Variants in TAF4B observed in about 807,000 individuals in gnomAD.
The protein encoded by TAF4B is transcription initiation factor TFIID subunit 4B.
Under a neutral mutation model 86.4 loss-of-function variants are expected in TAF4B, and 38 were observed. The ratio of observed to expected loss-of-function variants is 0.44; its 90% CI spans 0.34 to 0.58. The LOEUF (loss-of-function observed/expected upper bound fraction) is 0.58. Among genes scored for constraint, TAF4B ranks in the 20% least tolerant of loss-of-function variants. The pLI is 0.02. For missense variants in TAF4B, 988 were observed against 1,027.6 expected (o/e 0.96, Z 0.53); for synonymous variants, 388 against 391.2 (o/e 0.99, Z 0.10).
chr18:26,239,378 T>C (rs1229102980), intron 1 of TAF4B, among the ~76,000 whole-genome samples: 3 of 152,190 alleles, frequency 2.0e-5, no homozygotes, highest in Admixed American at 1.3e-4. Flanking sequence ...TTTGGCTGCA[T>C]AAATGTCTTC....
At chr18:26,308,257 A>G (rs1307278216) in intron 9 of TAF4B, among the ~76,000 whole-genome samples, 1 of 152,168 alleles carries the variant, frequency 6.6e-6, no homozygotes, top group Non-Finnish European at 1.5e-5. Context: ...GAGAGAGAGA[A>G]AAAAGAAATG....
chr18:26,347,162 C>T lies in TAF4B; in HGVS notation c.2317-10528C>T, dbSNP rs191524067. 2.8e-3 allele frequency among the ~76,000 whole-genome samples: 426 copies of T among 151,394 alleles called. 1 individual carries two copies. Among genetic ancestry groups the T allele is most frequent in the Admixed American group, 5.2e-3 (79 of 15,190 alleles). The stretch of plus-strand genomic sequence containing the variant: ...GTCTGGATCTCCTGACCTTGTGATC[C>T]GTCCGCCTCGGCCTCCCAAAGTGCT... On this transcript the variant is annotated intron_variant, in intron 13 of 14. Transcript: ENST00000269142.
At chr18:26,385,607 G>T (rs1422677211) in intron 14 of TAF4B, among the ~76,000 whole-genome samples, 3 of 151,374 alleles carry the variant, frequency 2.0e-5, no homozygotes, top group Non-Finnish European at 4.4e-5. Context: ...ATATCCTCAT[G>T]TAGAAAGTTA....
chr18:26,334,047 TA>T (rs2057071854), intron 12 of TAF4B, among the ~76,000 whole-genome samples: 1 of 151,876 alleles, frequency 6.6e-6, no homozygotes, highest in Admixed American at 6.6e-5. Flanking sequence ...TTAATATAAA[TA>T]CATATATACA....
intron 10 of TAF4B, among the ~76,000 whole-genome samples, chr18:26,320,389 A>G (rs1598797432): frequency 6.6e-6 from 1 of 152,312 alleles, no homozygotes; most frequent in East Asian, 1.9e-4. Context: ...TGTGGTCCAA[A>G]TTGTTTTCCT....
chr18:26,295,678 G>C (rs908525099), intron 9 of TAF4B, among the ~76,000 whole-genome samples: 2 of 152,186 alleles, frequency 1.3e-5, no homozygotes, highest in Admixed American at 6.5e-5. Context: ...GTTGTTGTAT[G>C]TTAAAACTAT....
chr18:26,255,658 T>TA, intron 1 of TAF4B: 4 of 1,273,878 alleles, frequency 3.1e-6, no homozygotes, highest in Non-Finnish European at 4.4e-6. Flanking sequence ...AAAATTTAGA[T>TA]GGTTTTTTTT....
chr18:26,373,792 C>T (rs995793105), intron 14 of TAF4B, among the ~76,000 whole-genome samples: 2 of 152,078 alleles, frequency 1.3e-5, no homozygotes, highest in Admixed American at 1.3e-4. Context: ...TTCCTCCCTC[C>T]CTCCCTCTGT....
intron 14 of TAF4B, among the ~76,000 whole-genome samples, chr18:26,364,544 G>A (rs2144321144): frequency 6.6e-6 from 1 of 152,136 alleles, no homozygotes; most frequent in South Asian, 2.1e-4. Flanking sequence ...TACTTCCTGT[G>A]TTAATTAGAG....
At chr18:26,234,257 C>A (rs148478747) in intron 1 of TAF4B, among the ~76,000 whole-genome samples, 20,584 of 152,234 alleles carry the variant, frequency 0.14, 1,861 homozygotes, top group Non-Finnish European at 0.21. Context: ...GTCTGCCTGA[C>A]GGTTTCCTTC....
chr18:26,323,410 T>C (rs1340419011), intron 11 of TAF4B, among the ~76,000 whole-genome samples: 1 of 152,102 alleles, frequency 6.6e-6, no homozygotes, highest in Admixed American at 6.6e-5. Context: ...GGTGCAATCA[T>C]AGCTCATTGC....
At chr18:26,249,708 G>C (rs2055976292) in intron 1 of TAF4B, among the ~76,000 whole-genome samples, 1 of 151,972 alleles carries the variant, frequency 6.6e-6, no homozygotes, top group South Asian at 2.1e-4. Context: ...TCTATATTGT[G>C]AACTCAACAC....
intron 5 of TAF4B, among the ~76,000 whole-genome samples, chr18:26,276,105 A>G (rs1400275181): frequency 6.6e-6 from 1 of 152,034 alleles, no homozygotes; most frequent in Non-Finnish European, 1.5e-5. Context: ...TTCGGTTCTT[A>G]TATGTCCAGA....
At chr18:26,332,507 G>A (rs1238791543) in intron 12 of TAF4B, among the ~76,000 whole-genome samples, 2 of 151,904 alleles carry the variant, frequency 1.3e-5, no homozygotes, top group African/African-American at 4.8e-5. Flanking sequence ...TCACCCCTGT[G>A]CTCCAAACAC....
chr18:26,353,818 G>C (rs544835119), intron 13 of TAF4B, among the ~76,000 whole-genome samples: 1 of 152,292 alleles, frequency 6.6e-6, no homozygotes, highest in South Asian at 2.1e-4. Flanking sequence ...ATTCTTTTAA[G>C]TGTGTCTTCC....
At chr18:26,255,528 G>T (rs1283040124) in intron 1 of TAF4B, among the ~76,000 whole-genome samples, 1 of 145,252 alleles carries the variant, frequency 6.9e-6, no homozygotes, top group Non-Finnish European at 1.5e-5. Flanking sequence ...ACTTGAACCC[G>T]GGAGACGAAG....
Position 26,237,978 on chromosome 18 carries a change from G to A in TAF4B, c.343+10702G>A, listed in dbSNP as rs57415700. 9.6e-3 allele frequency among the ~76,000 whole-genome samples: 1,466 copies of A among 152,182 alleles called. 12 individuals are homozygous for A. Among genetic ancestry groups the A allele is most frequent in the African/African-American group, 0.033 (1,359 of 41,524 alleles). On this transcript the variant is annotated intron_variant, in intron 1 of 14. Coordinates refer to ENST00000269142, the MANE Select transcript of TAF4B (RefSeq NM_005640.3). ...TTACCCCTGCCGAAGAACCTGCAAC[G>A]GTCCGTGGACCCTGCTGTTCAGAAT... is the stretch of plus-strand genomic sequence containing the variant.
At chr18:26,342,847 T>C (rs1245584380) in intron 13 of TAF4B, among the ~76,000 whole-genome samples, 1 of 152,236 alleles carries the variant, frequency 6.6e-6, no homozygotes, top group Non-Finnish European at 1.5e-5. Flanking sequence ...TTGGTCTCTT[T>C]GGAGCAAGGT....
chr18:26,245,139 C>CA (rs1453757698), intron 1 of TAF4B, among the ~76,000 whole-genome samples: 2 of 152,144 alleles, frequency 1.3e-5, no homozygotes, highest in African/African-American at 4.8e-5. Flanking sequence ...TCATTTTTAA[C>CA]AGGCCAACAG....
Sources: gnomAD v4.1 joint callset for allele counts (sites outside exome capture counted in the v4.1 genomes callset) on GRCh38, gnomAD v4.1.1 for gene constraint, MANE v1.5 for transcripts, NCBI Gene and HGNC (gene_info 2026-07-23, HGNC 2026-07-21) for gene names.